C6orf58: variants seen among roughly 807,000 people sequenced by gnomAD.
C6orf58 encodes the protein protein LEG1 homolog.
In C6orf58, 30 loss-of-function variants were observed where a neutral mutation model predicts 37.0. That is an observed-to-expected ratio of 0.81 (90% CI 0.61 to 1.10). The LOEUF (loss-of-function observed/expected upper bound fraction) is 1.10. Ranked by LOEUF, C6orf58 falls within the 50% of genes least tolerant of loss-of-function variation. C6orf58 has a pLI of 0.00. For synonymous variants in C6orf58, 143 were observed against 134.1 expected, an observed-to-expected ratio of 1.07 and a Z score of -0.46; for missense variants, 368 against 387.5, an observed-to-expected ratio of 0.95 and a Z score of 0.42.
Position 127,580,385 on chromosome 6 carries a change from A to T in C6orf58, c.509A>T (p.Tyr170Phe), listed in dbSNP as rs748171267. Residue 170 changes from tyrosine to phenylalanine, a missense_variant, in exon 3 of 6, where the codon TAT becomes TTT. By Grantham distance (22) the Tyr-to-Phe change is conservative (BLOSUM62 3). Transcript: ENST00000329722. ...PPPKNERKFCYDVSSCRSSFP... is the reference protein window; with the variant it reads ...PPPKNERKFCFDVSSCRSSFP... ...CCCAAGAATGAGAGGAAGTTTTGTT[A>T]TGATGTTTCTAGCTGTCGTTCATCC... The T allele has an allele frequency of 1.4e-5, 22 of 1,613,184 alleles. No homozygotes were observed. Among genetic ancestry groups the T allele is most frequent in the Non-Finnish European group, 1.9e-5 (22 of 1,179,350 alleles).
chr6:127,586,699 C>A (rs1364689567), intron 4 of C6orf58, among the ~76,000 whole-genome samples: 5 of 152,244 alleles, frequency 3.3e-5, no homozygotes, highest in Non-Finnish European at 5.9e-5. Context: ...CTCTTTCAGT[C>A]ACCTGCTTCA....
chr6:127,590,476 C>T, intron 5 of C6orf58, 151 bp downstream of exon 5: 1 of 616,780 alleles, frequency 1.6e-6, no homozygotes, highest in Admixed American at 2.9e-5. Context: ...TAGCAATAAT[C>T]ACTCTTGATA....
intron 4 of C6orf58, among the ~76,000 whole-genome samples, chr6:127,589,244 G>C (rs1775136257): frequency 6.6e-6 from 1 of 152,144 alleles, no homozygotes; most frequent in African/African-American, 2.4e-5. Flanking sequence ...ACCTCAGGTG[G>C]GCTGGAATGC....
chr6:127,578,568 T>C, intron 1 of C6orf58, 118 bp from the exon 2 acceptor site: 1 of 616,316 alleles, frequency 1.6e-6, no homozygotes, highest in South Asian at 2.4e-5. Context: ...TACAAACACA[T>C]ATCATTCAGA....
Position 127,580,277 on chromosome 6 carries a change from TTC to T in C6orf58, c.403_404del (p.Leu135ValfsTer10). The T allele has an allele frequency of 6.2e-7, 1 of 1,610,038 alleles. No individual in the cohort carries two copies. The highest frequency in any genetic ancestry group is 8.5e-7 in the Non-Finnish European group (1 of 1,177,364). ...TTTGTTCTTACAGATTTGAATTATT[TTC>T]TGTCTTCATTACCCTTTCTTGCTGC... On this transcript the variant is annotated frameshift_variant, in exon 3 of 6. Transcript: ENST00000329722. LOFTEE classifies it high-confidence loss of function.
At chr6:127,581,149 C>A (rs780815979) in intron 3 of C6orf58, 33 bp from the exon 4 acceptor site, 4 of 1,029,888 alleles carry the variant, frequency 3.9e-6, no homozygotes, top group Admixed American at 5.1e-5. Flanking sequence ...TATAGTTGCT[C>A]AAATATTAAT....
chr6:127,580,707 C>G (rs573194193), intron 3 of C6orf58, among the ~76,000 whole-genome samples: 4 of 151,994 alleles, frequency 2.6e-5, no homozygotes, highest in Non-Finnish European at 5.9e-5. Flanking sequence ...GGATATTTTG[C>G]TGAATGATTA....
At chr6:127,586,664 G>A (rs1775110626) in intron 4 of C6orf58, among the ~76,000 whole-genome samples, 1 of 150,980 alleles carries the variant, frequency 6.6e-6, no homozygotes, top group Non-Finnish European at 1.5e-5. Context: ...CTTTTCTCTT[G>A]AGCTCACCCA....
chr6:127,579,636 A>C (rs1164897637), intron 2 of C6orf58, among the ~76,000 whole-genome samples: 3 of 152,084 alleles, frequency 2.0e-5, no homozygotes, highest in African/African-American at 4.8e-5. Flanking sequence ...TATCCAACTA[A>C]TGAAAATGTC....
chr6:127,577,298 G>A lies in C6orf58; in HGVS notation c.113G>A (p.Gly38Asp), dbSNP rs562773334. ...CCCCCTCTGTGGAAGGAGAGTCCTGGTCAGCTCAGTGACTACAGGGTGGAG... is the reference window on the plus strand; with the variant it reads ...CCCCCTCTGTGGAAGGAGAGTCCTGATCAGCTCAGTGACTACAGGGTGGAG... The part of the protein sequence containing the change: ...TEPPLWKESP[G>D]QLSDYRVENS... Residue 38 changes from glycine to aspartate, a missense_variant, in exon 1 of 6, where the codon GGT becomes GAT. Physicochemically the swap from Gly to Asp is moderately conservative, Grantham distance 94 (BLOSUM62 -1). Transcript: ENST00000329722. The A allele has an allele frequency of 1.9e-6, 3 of 1,613,596 alleles. No individual in the cohort carries two copies. In the South Asian group the frequency reaches 3.3e-5, roughly 18 times the overall value.
At chr6:127,578,567 A>T in intron 1 of C6orf58, 119 bp from the exon 2 acceptor site, 3 of 618,270 alleles carry the variant, frequency 4.9e-6, no homozygotes, top group Non-Finnish European at 8.7e-6. Flanking sequence ...ATACAAACAC[A>T]TATCATTCAG....
Position 127,580,440 on chromosome 6 carries a change from C to G in C6orf58, c.564C>G (p.Thr188=), listed in dbSNP as rs759974482. 3.4e-5 allele frequency: 55 copies of G among 1,610,436 alleles called. No individual in the cohort carries two copies. Among genetic ancestry groups the G allele is most frequent in the Non-Finnish European group, 8.5e-6 (10 of 1,177,340 alleles). ...CTGAGACAATGAACAAGTGGAACAC[C>G]TTTTACCAGGTTCCTTCTTTATACT... The part of the protein sequence containing the change: ...SFPETMNKWN[T]FYQYLQSPFS... The change falls in exon 3 of 6, where the codon ACC becomes ACG. Residue 188 remains threonine (T), a synonymous_variant. Transcript: ENST00000329722.
chr6:127,585,448 C>G (rs942855516), intron 4 of C6orf58, among the ~76,000 whole-genome samples: 17 of 152,052 alleles, frequency 1.1e-4, no homozygotes, highest in Admixed American at 1.0e-3. Context: ...AAGGCAAATG[C>G]AGAAAAATTA....
rs199672479 is a variant in C6orf58 at position 127,578,734 on chromosome 6, G to C, written c.350G>C (p.Gly117Ala). 9.2e-5 allele frequency: 148 copies of C among 1,612,866 alleles called. 4 individuals carry two copies. The South Asian group carries it at 1.5e-3, about 16-fold the overall frequency. Reference protein sequence around the residue: ...TRRTNCGYESGDHMCISVDSW... With the variant: ...TRRTNCGYESADHMCISVDSW... ...AGGACAAACTGTGGCTATGAATCTGGAGATCATATGTGCATCTCTGTGGAC... is the reference window on the plus strand; with the variant it reads ...AGGACAAACTGTGGCTATGAATCTGCAGATCATATGTGCATCTCTGTGGAC... Residue 117 changes from glycine to alanine, a missense_variant, in exon 2 of 6, where the codon GGA becomes GCA. Transcript: ENST00000329722.
At chr6:127,586,872 G>C (rs1023192223) in intron 4 of C6orf58, among the ~76,000 whole-genome samples, 2 of 152,138 alleles carry the variant, frequency 1.3e-5, no homozygotes, top group Admixed American at 1.3e-4. Flanking sequence ...AGGACCCTCT[G>C]TTCTACCCTT....
intron 1 of C6orf58, 125 bp downstream of exon 1, chr6:127,577,611 C>G (rs1249617784): frequency 3.1e-5 from 25 of 795,618 alleles, no homozygotes; most frequent in Non-Finnish European, 3.0e-5. Context: ...GTTCTCTTTT[C>G]CCTTATAATC....
rs1369371677 is a variant in C6orf58, at chr6:127,578,683, C to T, written c.302-3C>T. On this transcript the variant is annotated splice_region_variant and splice_polypyrimidine_tract_variant and intron_variant, in intron 1 of 5. Coordinates refer to ENST00000329722, the MANE Select transcript of C6orf58 (RefSeq NM_001010905.3). Reference sequence around the variant, plus strand: ...ATACGACTGTGCATCCTCTCTCCTCCAGGCAGATTAGCTGATCCAACCCGA... The same window carrying T: ...ATACGACTGTGCATCCTCTCTCCTCTAGGCAGATTAGCTGATCCAACCCGA... 6.2e-7 allele frequency: 1 copy of T among 1,609,868 alleles called. No homozygotes were observed. Among genetic ancestry groups the T allele is most frequent in the African/African-American group, 1.3e-5 (1 of 74,744 alleles).
In C6orf58 at chr6:127,591,648, A is replaced by T. The variant is rs1190608565; in HGVS notation, c.*26A>T. ...AACATTTAACTTCAAACTTCAGGAA[A>T]TGATTAATGAATTAAAAATGAAAAA... is the stretch of plus-strand genomic sequence containing the variant. On this transcript the variant is annotated 3_prime_UTR_variant, in exon 6 of 6. Coordinates refer to ENST00000329722, the MANE Select transcript of C6orf58 (RefSeq NM_001010905.3). The T allele has an allele frequency of 2.0e-6, 3 of 1,470,772 alleles. No homozygotes were observed. In the Admixed American group the frequency reaches 8.2e-5, roughly 40 times the overall value. The allele number at this position is 1,470,772 out of a possible 1,614,324, so 91.1% of individuals were successfully genotyped here.
chr6:127,581,329 T>C (rs1372174516), intron 4 of C6orf58, 47 bp downstream of exon 4: 2 of 839,064 alleles, frequency 2.4e-6, no homozygotes, highest in African/African-American at 3.6e-5. Flanking sequence ...GATAAATAAT[T>C]TTGGGCATTA....
Sources: allele counts gnomAD v4.1 joint callset (sites outside exome capture counted in the v4.1 genomes callset), GRCh38; gene constraint gnomAD v4.1.1; transcripts MANE v1.5; gene names NCBI Gene and HGNC (gene_info 2026-07-23, HGNC 2026-07-21).